Variants in ZFHX2 observed in about 807,000 individuals in gnomAD.
ZFHX2 encodes zinc finger homeobox protein 2.
Under a neutral mutation model 164.8 loss-of-function variants are expected in ZFHX2, and 75 were observed. That is an observed-to-expected ratio of 0.46 (90% CI 0.38 to 0.55). The LOEUF is 0.55. Ranked by LOEUF, ZFHX2 falls within the 20% of genes least tolerant of loss-of-function variation. The probability of loss-of-function intolerance (pLI) is 0.00; values close to 1 mark genes in which losing one functional copy is unlikely to be tolerated. For synonymous variants in ZFHX2, 1,217 were observed against 1,351.4 expected (o/e 0.90, Z 2.18); for missense variants, 2,933 against 3,308.0 (o/e 0.89, Z 2.78).
intron 1 of ZFHX2, among the ~76,000 whole-genome samples, chr14:23,541,747 T>C (rs1255175357): frequency 6.6e-6 from 1 of 152,242 alleles, no homozygotes; most frequent in Non-Finnish European, 1.5e-5. Flanking sequence ...TATTCTGGCC[T>C]TTCCCTGCAT....
chr14:23,547,276 T>G (rs763151007), intron 1 of ZFHX2, among the ~76,000 whole-genome samples: 8 of 152,268 alleles, frequency 5.3e-5, no homozygotes, highest in East Asian at 1.9e-4. Flanking sequence ...CTTCGTTGTA[T>G]TAATAATTAC....
chr14:23,527,775 C>G lies in ZFHX2; in HGVS notation c.2964G>C (p.Leu988=). The G allele has an allele frequency of 1.3e-6, 2 of 1,535,998 alleles. No individual in the cohort carries two copies. The highest frequency in any genetic ancestry group is 1.7e-6 in the Non-Finnish European group (2 of 1,146,908). The change falls in exon 7 of 10, where the codon CTG becomes CTC. Residue 988 remains leucine (L), a synonymous_variant. Coordinates refer to ENST00000419474, the MANE Select transcript of ZFHX2 (RefSeq NM_033400.3). ...TVYCCPYCSF[L]SPESSQVRAH... ...CCCTCACCTGGCTGGACTCTGGGCTCAGGAAGCTGCAGTATGGACAGCAGT... is the reference window on the plus strand; with the variant it reads ...CCCTCACCTGGCTGGACTCTGGGCTGAGGAAGCTGCAGTATGGACAGCAGT...
rs1316206360 is a variant in ZFHX2, at chr14:23,525,572, T to C, written c.4370A>G (p.Glu1457Gly). 2 of 1,535,404 alleles carry C rather than the reference T, an allele frequency of 1.3e-6. No homozygotes were observed. The highest frequency in any genetic ancestry group is 4.9e-5 in the East Asian group (2 of 40,832). The change falls in exon 9 of 10, where the codon GAA becomes GGA. Residue 1457 changes from glutamate to glycine, a missense_variant. Glu to Gly is a moderately conservative substitution (Grantham distance 98). Coordinates refer to ENST00000419474, the MANE Select transcript of ZFHX2 (RefSeq NM_033400.3). The surrounding 1 kb of genome is among the most constrained non-coding windows in gnomAD (Gnocchi z 5.9). ...GGGAGGGGGCACAGCTTGCTTCCCTTCATTGTACTGGATCACCAGCTCAAA... is the reference window on the plus strand; with the variant it reads ...GGGAGGGGGCACAGCTTGCTTCCCTCCATTGTACTGGATCACCAGCTCAAA... ...FGFELVIQYN[E>G]GKQAVPPPPT... is the part of the protein sequence containing the mutation.
chr14:23,531,665 G>A lies in ZFHX2; in HGVS notation c.2616C>T (p.Cys872=). ...AGGGTGTCTCCCACGCACACAACAG[G>A]CAGTGGTATAGCCCCAGCTCTGCCC... is the stretch of plus-strand genomic sequence containing the variant. ...EAGAELGLYH[C]LLCAWETPSR... The change falls in exon 4 of 10, where the codon TGC becomes TGT. Residue 872 remains cysteine (C), a synonymous_variant. Transcript: ENST00000419474. 6.7e-7 allele frequency: 1 copy of A among 1,494,958 alleles called. No individual in the cohort carries two copies. Among genetic ancestry groups the A allele is most frequent in the Non-Finnish European group, 8.9e-7 (1 of 1,122,620 alleles). The allele number at this position is 1,494,958 out of a possible 1,614,324, so 92.6% of individuals were successfully genotyped here. A position where few individuals can be genotyped will look rare whatever the true frequency, so the allele number is the denominator to read the frequency against.
rs1244819853 is a variant in ZFHX2, at chr14:23,526,861, C to G, written c.3248G>C (p.Arg1083Thr). The G allele has an allele frequency of 6.5e-7, 1 of 1,531,770 alleles. No homozygotes were observed. Among genetic ancestry groups the G allele is most frequent in the Non-Finnish European group, 8.7e-7 (1 of 1,144,828 alleles). The allele number at this position is 1,531,770 out of a possible 1,614,324, so 94.9% of individuals were successfully genotyped here. A position where few individuals can be genotyped will look rare whatever the true frequency, so the allele number is the denominator to read the frequency against. The change falls in exon 8 of 10, where the codon AGA becomes ACA. Residue 1083 changes from arginine (R) to threonine (T), a missense_variant. By Grantham distance (71) the Arg-to-Thr change is moderately conservative. Transcript: ENST00000419474. The part of the protein sequence containing the change: ...PTHGPEPTPS[R>T]DQAAEGPNLT... ...CCATTCCTTACCTGCTGCCTGGTCT[C>G]TGCTCGGTGTAGGCTCTGGCCCATG...
Position 23,524,953 on chromosome 14 carries a change from T to G in ZFHX2, c.4989A>C (p.Gly1663=). The G allele has an allele frequency of 6.5e-7, 1 of 1,536,260 alleles. No homozygotes were observed. The highest frequency in any genetic ancestry group is 2.4e-5 in the East Asian group (1 of 40,904). ...AGCCGGAGGCTCCCCCAGTGCCTCC[T>G]CCGGTTGGCATGGACCCACCCTCAC... is the stretch of plus-strand genomic sequence containing the variant. ...NACEGGSMPT[G]GGTGGASGCR... The change falls in exon 9 of 10, where the codon GGA becomes GGC. Residue 1663 remains glycine, a synonymous_variant. Coordinates refer to ENST00000419474, the MANE Select transcript of ZFHX2 (RefSeq NM_033400.3). The surrounding 1 kb of genome is among the most constrained non-coding windows in gnomAD (Gnocchi z 5.6).
rs1878041278 is a variant in ZFHX2 at position 23,521,887 on chromosome 14, G to A, written c.*75C>T. 2.0e-6 allele frequency: 3 copies of A among 1,516,436 alleles called. No individual in the cohort carries two copies. Among genetic ancestry groups the A allele is most frequent in the Non-Finnish European group, 2.6e-6 (3 of 1,137,952 alleles). 93.9% of individuals were successfully genotyped at this position (1,516,436 alleles called of 1,614,324 possible). On this transcript the variant is annotated 3_prime_UTR_variant, in exon 10 of 10. Transcript: ENST00000419474. ...CCAGGGGGTGGGGTGAGGGATTTGA[G>A]CTCCCACCGAACACCCCTTGGGGTA...
Position 23,533,667 on chromosome 14 carries a change from T to G in ZFHX2, c.1659A>C (p.Ser553=). Residue 553 remains serine, a synonymous_variant, in exon 2 of 10, where the codon TCA becomes TCC. Transcript: ENST00000419474. This position sits in a 1 kb window ranked among gnomAD's most constrained non-coding sequence, Gnocchi z 4.8. The part of the protein sequence containing the change: ...PGGQGSPPEA[S]LPPSAGDKEP... ...CTTTGTCTCCCGCGGAGGGTGGGAG[T>G]GATGCCTCTGGTGGACTTCCCTGCC... The G allele has an allele frequency of 6.5e-7, 1 of 1,537,492 alleles. No homozygotes were observed. Among genetic ancestry groups the G allele is most frequent in the Non-Finnish European group, 8.7e-7 (1 of 1,147,428 alleles).
At position 23,534,023 on chromosome 14, in the gene ZFHX2, G is replaced by C. The variant is rs1339211802; in HGVS notation, c.1303C>G (p.Leu435Val). 6.5e-7 allele frequency: 1 copy of C among 1,536,742 alleles called. No individual in the cohort carries two copies. Among genetic ancestry groups the C allele is most frequent in the Middle Eastern group, 1.7e-4 (1 of 5,984 alleles). ...YTPAPAAFQG[L>V]SLSSHMSLLH... ...AGGGACATGTGGCTGGACAGGCTGA[G>C]GCCCTGGAAGGCTGCAGGGGCTGGG... Residue 435 changes from leucine to valine, a missense_variant, in exon 2 of 10, where the codon CTC becomes GTC. Coordinates refer to ENST00000419474, the MANE Select transcript of ZFHX2 (RefSeq NM_033400.3). The surrounding 1 kb of genome is among the most constrained non-coding windows in gnomAD (Gnocchi z 4.5).
intron 1 of ZFHX2, among the ~76,000 whole-genome samples, chr14:23,541,805 C>A (rs1566591915): frequency 7.2e-6 from 1 of 138,188 alleles, no homozygotes; most frequent in African/African-American, 3.0e-5. Flanking sequence ...GTCATCCCTG[C>A]ATTTAAAACT....
chr14:23,526,070 C>G lies in ZFHX2; in HGVS notation c.3872G>C (p.Ser1291Thr). ...CTCGCCTTCCTTGGGCTCTTCTTGGCTGCGTTCTGGCCCTTCAATCTTGGA... is the reference window on the plus strand; with the variant it reads ...CTCGCCTTCCTTGGGCTCTTCTTGGGTGCGTTCTGGCCCTTCAATCTTGGA... ...TDSKIEGPER[S>T]QEEPKEGETE... Residue 1291 changes from serine (S) to threonine (T), a missense_variant, in exon 9 of 10, where the codon AGC becomes ACC. Ser to Thr is a moderately conservative substitution (Grantham distance 58). Coordinates refer to ENST00000419474, the MANE Select transcript of ZFHX2 (RefSeq NM_033400.3). 6.5e-7 allele frequency: 1 copy of G among 1,536,498 alleles called. No individual in the cohort carries two copies. The highest frequency in any genetic ancestry group is 8.7e-7 in the Non-Finnish European group (1 of 1,146,944).
intron 1 of ZFHX2, among the ~76,000 whole-genome samples, chr14:23,538,479 CT>C (rs1470956973): frequency 1.3e-5 from 2 of 152,096 alleles, no homozygotes; most frequent in Non-Finnish European, 2.9e-5. Flanking sequence ...CGCTAGGTCC[CT>C]TTCTTTGCCC....
Position 23,551,022 on chromosome 14 carries a change from A to G in ZFHX2, c.-50+321T>C, listed in dbSNP as rs1490521567. ...TCGGCGCGGTCCGTCTAGGCTTTCC[A>G]TACCCTTCGTCTGTCCGGCGGGCCT... On this transcript the variant is annotated intron_variant, in intron 1 of 9. Coordinates refer to ENST00000419474, the MANE Select transcript of ZFHX2 (RefSeq NM_033400.3). The surrounding 1 kb of genome is among the most constrained non-coding windows in gnomAD (Gnocchi z 5.3). Among the ~76,000 whole-genome samples the G allele has an allele frequency of 1.3e-5, 2 of 148,324 alleles. No homozygotes were observed. The highest frequency in any genetic ancestry group is 6.7e-5 in the Admixed American group (1 of 14,818).
intron 5 of ZFHX2, 79 bp downstream of exon 5, chr14:23,530,041 C>A: frequency 1.5e-6 from 2 of 1,349,882 alleles, no homozygotes; most frequent in Non-Finnish European, 2.0e-6. Flanking sequence ...ACAGACATTG[C>A]TGGGCTCCTG....
intron 1 of ZFHX2, among the ~76,000 whole-genome samples, chr14:23,544,506 G>C (rs1881167956): frequency 6.6e-6 from 1 of 152,192 alleles, no homozygotes; most frequent in African/African-American, 2.4e-5. Context: ...CTTTGGGGTT[G>C]GTGAAGGTGC....
intron 1 of ZFHX2, among the ~76,000 whole-genome samples, chr14:23,547,940 A>C (rs1881558364): frequency 6.6e-6 from 1 of 152,186 alleles, no homozygotes; most frequent in Non-Finnish European, 1.5e-5. Context: ...AGTCTCTCAG[A>C]CTAGGGGACT....
At position 23,532,986 on chromosome 14, in the gene ZFHX2, G is replaced by T; in HGVS notation, c.2140C>A (p.Leu714Met). The change falls in exon 3 of 10, where the codon CTG becomes ATG. Residue 714 changes from leucine (L) to methionine (M), a missense_variant. Physicochemically the swap from Leu to Met is conservative, Grantham distance 15 (BLOSUM62 2). Coordinates refer to ENST00000419474, the MANE Select transcript of ZFHX2 (RefSeq NM_033400.3). Reference sequence around the variant, plus strand: ...AGGCAGCGGAACACCTTCAGGGACAGGCTGTCGTCTGGGGGTGGTGAGGTG... The same window carrying T: ...AGGCAGCGGAACACCTTCAGGGACATGCTGTCGTCTGGGGGTGGTGAGGTG... ...LPTSPPPDDS[L>M]SLKVFRCLVC... 6.5e-7 allele frequency: 1 copy of T among 1,536,222 alleles called. No homozygotes were observed. Among genetic ancestry groups the T allele is most frequent in the South Asian group, 1.2e-5 (1 of 84,060 alleles).
At chr14:23,529,593 C>T (rs1879263787) in intron 6 of ZFHX2, 117 bp downstream of exon 6, 16 of 1,052,754 alleles carry the variant, frequency 1.5e-5, no homozygotes, top group Non-Finnish European at 2.3e-5. Context: ...CTTAACTGTG[C>T]TATTCTGAGT....
intron 1 of ZFHX2, chr14:23,544,193 T>C (rs1232882713): frequency 6.7e-6 from 1 of 150,306 alleles, no homozygotes; most frequent in African/African-American, 2.5e-5. Flanking sequence ...AAGCAGAGGT[T>C]GTAGTGAGCC....
Sources: gnomAD v4.1 joint callset for allele counts (sites outside exome capture counted in the v4.1 genomes callset) on GRCh38, gnomAD v4.1.1 for gene constraint, Gnocchi (gnomAD v3.1) non-coding constraint, MANE v1.5 for transcripts, NCBI Gene and HGNC (gene_info 2026-07-23, HGNC 2026-07-21) for gene names.